Variants in KIF7 observed in about 807,000 individuals in gnomAD.
KIF7 encodes kinesin-like protein KIF7.
In KIF7, 104 loss-of-function variants were observed where a neutral mutation model predicts 135.7. That is an observed-to-expected ratio of 0.77 (90% CI 0.65 to 0.90). The LOEUF (loss-of-function observed/expected upper bound fraction) is 0.90. Among genes scored for constraint, KIF7 ranks in the 40% least tolerant of loss-of-function variants. The probability of loss-of-function intolerance (pLI) is 0.00; values close to 1 mark genes in which losing one functional copy is unlikely to be tolerated. For synonymous variants in KIF7, 883 were observed against 809.4 expected, an observed-to-expected ratio of 1.09 and a Z score of -1.54; for missense variants, 2,005 against 1,839.1, an observed-to-expected ratio of 1.09 and a Z score of -1.65.
At chr15:89,624,687 TG>T, downstream of KIF7, 1 of 1,614,104 alleles carries the variant, frequency 6.2e-7, no homozygotes, top group Non-Finnish European at 8.5e-7. Flanking sequence ...TCATTACAAG[TG>T]ACACAGAGCA....
At chr15:89,618,294 C>G in intron 1 of KIF7, 5 of 1,261,612 alleles carry the variant, frequency 4.0e-6, no homozygotes, top group South Asian at 2.4e-5. Flanking sequence ...CTTGGCATAT[C>G]CTAAGATATT....
At chr15:89,656,196 A>G (rs76904353), upstream of KIF7, among the ~76,000 whole-genome samples, 1,375 of 152,238 alleles carry the variant, frequency 9.0e-3, 22 homozygotes, top group African/African-American at 0.03. Context: ...AGATAGATCT[A>G]TATTAGGAAA....
At chr15:89,644,378 ATAAG>A (rs1276993617) in intron 10 of KIF7, among the ~76,000 whole-genome samples, 23 of 152,136 alleles carry the variant, frequency 1.5e-4, no homozygotes, top group Admixed American at 1.2e-3. Flanking sequence ...CAGGCACTCG[ATAAG>A]TAAGAAGAAG....
chr15:89,627,176 TG>T (rs1420414588), downstream of KIF7: 4 of 1,522,902 alleles, frequency 2.6e-6, no homozygotes, highest in Non-Finnish European at 3.6e-6. Flanking sequence ...AAGCCTCTTT[TG>T]CCATGGTCAG....
intron 9 of KIF7, 80 bp downstream of exon 9, chr15:89,645,256 G>A: frequency 6.3e-7 from 1 of 1,596,702 alleles, no homozygotes; most frequent in Non-Finnish European, 8.6e-7. Context: ...GATGGTGGGT[G>A]GGACTGTCCC....
In KIF7 at chr15:89,628,229, T is replaced by G; in HGVS notation, c.*190A>C. The G allele has an allele frequency of 1.6e-6, 1 of 612,930 alleles. No homozygotes were observed. Among genetic ancestry groups the G allele is most frequent in the Non-Finnish European group, 2.8e-6 (1 of 361,700 alleles). The allele number at this position is 612,930 out of a possible 1,614,324, so 38.0% of individuals were successfully genotyped here. ...TGGAAGTAAGTGGTGGGAATTTGCA[T>G]ATTATTTTGTTAAATGAGGGTCCAG... On this transcript the variant is annotated 3_prime_UTR_variant, in exon 19 of 19. Coordinates refer to ENST00000394412, the MANE Select transcript of KIF7 (RefSeq NM_198525.3).
intron 7 of KIF7, 76 bp downstream of exon 7, chr15:89,646,754 C>T: frequency 3.1e-6 from 4 of 1,302,460 alleles, no homozygotes; most frequent in Non-Finnish European, 3.3e-6. Context: ...ACACGTGCCC[C>T]AGTGCCCCCT....
At chr15:89,657,896 G>A (rs754417319), upstream of KIF7, among the ~76,000 whole-genome samples, 8 of 152,218 alleles carry the variant, frequency 5.3e-5, no homozygotes, top group Non-Finnish European at 8.8e-5. Context: ...GGGCAGTATG[G>A]GTGGACTTGC....
At chr15:89,625,001 A>G (rs1963492958), downstream of KIF7, 1 of 1,614,082 alleles carries the variant, frequency 6.2e-7, no homozygotes. Flanking sequence ...GTTGAGCTGG[A>G]GATGCAAGCT....
intron 12 of KIF7, 29 bp downstream of exon 12, chr15:89,633,657 G>C: frequency 6.2e-7 from 1 of 1,601,034 alleles, no homozygotes; most frequent in East Asian, 2.2e-5. Context: ...GGCCTGGACA[G>C]AAGGTCCCCA....
At chr15:89,653,800 G>A (rs1390519514) in intron 1 of KIF7, among the ~76,000 whole-genome samples, 1 of 151,812 alleles carries the variant, frequency 6.6e-6, no homozygotes, top group Non-Finnish European at 1.5e-5. Flanking sequence ...TGTAGAGACA[G>A]TCTGGCTATG....
chr15:89,652,176 C>A (rs531972162), intron 2 of KIF7, among the ~76,000 whole-genome samples: 7 of 152,324 alleles, frequency 4.6e-5, no homozygotes, highest in African/African-American at 1.7e-4. Context: ...CAGAGCCTGG[C>A]TGAAGCACCC....
At chr15:89,628,888 A>G (rs1963599033) in intron 18 of KIF7, 88 bp downstream of exon 18, 1 of 1,611,190 alleles carries the variant, frequency 6.2e-7, no homozygotes, top group Admixed American at 1.7e-5. Flanking sequence ...CTGTGAATTG[A>G]GCCAATAAAG....
In KIF7 at chr15:89,631,692, C is replaced by A. The variant is rs79839906; in HGVS notation, c.2914G>T (p.Val972Leu). Residue 972 changes from valine (V) to leucine (L), a missense_variant, in exon 15 of 19, where the codon GTG (valine) becomes TTG (leucine). Val to Leu is a conservative substitution (Grantham distance 32). Coordinates refer to ENST00000394412, the MANE Select transcript of KIF7 (RefSeq NM_198525.3). ...TGCTCCAGCCGGCTGGACACTCGCA[C>A]GATGTCCTCGTTGAGGGCCTGGGGG... ...RSSQALNEDI[V>L]RVSSRLEHLE... is the part of the protein sequence containing the mutation. 1.7e-5 allele frequency: 27 copies of A among 1,554,470 alleles called. 1 individual carries two copies. The highest frequency in any genetic ancestry group is 1.4e-4 in the African/African-American group (10 of 73,242).
chr15:89,645,344 C>G lies in KIF7; in HGVS notation c.2030G>C (p.Gly677Ala). Reference sequence around the variant, plus strand: ...CATCCCACCCAGCTTACCTCTGGACCCTGGAATGGCTGCATCCAACTCCTC... The same window carrying G: ...CATCCCACCCAGCTTACCTCTGGACGCTGGAATGGCTGCATCCAACTCCTC... The part of the protein sequence containing the change: ...CLEELDAAIP[G>A]SRAVGGSKAR... Residue 677 changes from glycine to alanine, a missense_variant, in exon 9 of 19, where the codon GGG becomes GCG. Transcript: ENST00000394412. 1 of 1,613,920 alleles carries G rather than the reference C, an allele frequency of 6.2e-7. No homozygotes were observed. Among genetic ancestry groups the G allele is most frequent in the Non-Finnish European group, 8.5e-7 (1 of 1,179,798 alleles).
chr15:89,629,192 TGGGGGCTGTGGGCTGGGTGGG>T, intron 17 of KIF7, 70 bp from the exon 18 acceptor site: 1 of 50,746 alleles, frequency 2.0e-5, no homozygotes, highest in Non-Finnish European at 4.0e-5. Flanking sequence ...GCTGTGGGGG[TGGGGGCTGTGGGCTGGGTGGG>T]GGCCGGGGTT....
intron 11 of KIF7, among the ~76,000 whole-genome samples, chr15:89,639,963 T>TA (rs1005081548): frequency 1.3e-5 from 2 of 152,182 alleles, no homozygotes; most frequent in African/African-American, 4.8e-5. Context: ...TGTGCAGCCA[T>TA]AAAAAATGAT....
At chr15:89,639,729 T>A (rs1255227798) in intron 11 of KIF7, among the ~76,000 whole-genome samples, 1 of 148,002 alleles carries the variant, frequency 6.8e-6, no homozygotes, top group Non-Finnish European at 1.5e-5. Flanking sequence ...TGGAAGTCAG[T>A]GTGGCAATTC....
chr15:89,636,939 C>T (rs1963821068), intron 11 of KIF7, among the ~76,000 whole-genome samples: 1 of 134,892 alleles, frequency 7.4e-6, no homozygotes, highest in Non-Finnish European at 1.6e-5. Context: ...GTAAAGCTCT[C>T]CTCAGCAAAT....
Sources: gnomAD v4.1 joint callset for allele counts (sites outside exome capture counted in the v4.1 genomes callset) on GRCh38, gnomAD v4.1.1 for gene constraint, MANE v1.5 for transcripts, NCBI Gene and HGNC (gene_info 2026-07-23, HGNC 2026-07-21) for gene names.